Variants in MRPL4 observed in about 807,000 individuals in gnomAD.
MRPL4 encodes large ribosomal subunit protein uL4m.
In MRPL4, 34 loss-of-function variants were observed where a neutral mutation model predicts 34.1. The observed-to-expected ratio is 1.00, with a 90% CI of 0.76 to 1.33. MRPL4 has a LOEUF of 1.33. Among genes scored for constraint, MRPL4 ranks in the 40% most tolerant of loss-of-function variants. The pLI is 0.00. For missense variants in MRPL4, 402 were observed against 434.6 expected, an observed-to-expected ratio of 0.92 and a Z score of 0.67; for synonymous variants, 196 against 188.3, an observed-to-expected ratio of 1.04 and a Z score of -0.33.
rs1353351844 is a variant in MRPL4, at chr19:10,258,450, C to G, written c.590C>G (p.Thr197Ser). The change falls in exon 7 of 9, where the codon ACC becomes AGC. Residue 197 changes from threonine to serine, a missense_variant. Thr to Ser is a moderately conservative substitution (Grantham distance 58). Coordinates refer to ENST00000253099, the MANE Select transcript of MRPL4 (RefSeq NM_015956.3). ...LHIMDSLELP[T>S]GDPQYLTELA... ...ATCATGGACTCCCTAGAGCTGCCCA[C>G]CGGAGACCCACAGTACCTGACAGAG... The G allele has an allele frequency of 1.9e-6, 3 of 1,614,094 alleles. No individual in the cohort carries two copies. The highest frequency in any genetic ancestry group is 1.7e-5 in the Admixed American group (1 of 60,000).
chr19:10,253,965 A>C lies in MRPL4; in HGVS notation c.276-624A>C, dbSNP rs144542187. On this transcript the variant is annotated intron_variant, in intron 3 of 8. Transcript: ENST00000253099. The stretch of plus-strand genomic sequence containing the variant: ...ACCAGTCCCTGAAGAAGGTGGCAAT[A>C]AGTGAAGTGTAATAGCAGGAAAAAA... Among the ~76,000 whole-genome samples, 312 of 152,280 alleles carry C rather than the reference A, an allele frequency of 2.0e-3. 1 individual carries two copies. Among genetic ancestry groups the C allele is most frequent in the African/African-American group, 6.8e-3 (281 of 41,552 alleles).
At chr19:10,258,063 ATGT>A (rs2039868055) in intron 5 of MRPL4, among the ~76,000 whole-genome samples, 156 bp from the exon 6 acceptor site, 1 of 152,010 alleles carries the variant, frequency 6.6e-6, no homozygotes, top group South Asian at 2.1e-4. Flanking sequence ...CACTGGTCCC[ATGT>A]TGTCCCTGAT....
At chr19:10,259,098 CAAAAAA>C (rs35481360) in intron 8 of MRPL4, 426 of 537,710 alleles carry the variant, frequency 7.9e-4, no homozygotes, top group East Asian at 3.3e-3. Flanking sequence ...ACTCTTGTCT[CAAAAAA>C]AAAAAAAAAA....
chr19:10,259,774 C>A lies in MRPL4; in HGVS notation c.897C>A (p.His299Gln). The A allele has an allele frequency of 2.5e-6, 4 of 1,613,840 alleles. No homozygotes were observed. In the South Asian group the frequency reaches 3.3e-5, roughly 13 times the overall value. ...GCGACTTCCCCCGACCCCTACCCCA[C>A]GCTACCCAGGGCCCAGCGGCCACCC... ...PYSDFPRPLP[H>Q]ATQGPAATPY... The change falls in exon 9 of 9, where the codon CAC becomes CAA. Residue 299 changes from histidine to glutamine, a missense_variant. Coordinates refer to ENST00000253099, the MANE Select transcript of MRPL4 (RefSeq NM_015956.3).
intron 8 of MRPL4, 189 bp from the exon 9 acceptor site, chr19:10,259,428 C>A: frequency 1.4e-6 from 2 of 1,420,466 alleles, no homozygotes; most frequent in Non-Finnish European, 1.8e-6. Flanking sequence ...GGGAGCAGCT[C>A]CTTGGCCAGA....
intron 8 of MRPL4, chr19:10,259,089 C>A (rs769937706): frequency 7.6e-4 from 875 of 1,154,606 alleles, no homozygotes; most frequent in Non-Finnish European, 8.0e-4. Flanking sequence ...GAGAGCTAGA[C>A]TCTTGTCTCA....
chr19:10,256,734 C>T lies in MRPL4; in HGVS notation c.354C>T (p.Ala118=), dbSNP rs560148153. 3.7e-6 allele frequency: 6 copies of T among 1,606,928 alleles called. No individual in the cohort carries two copies. The highest frequency in any genetic ancestry group is 5.1e-6 in the Non-Finnish European group (6 of 1,176,734). ...GCTATGCCAAGACCAAGACGAGAGC[C>T]GAGGTGCGGGGCGGTGGCCGGAAGC... The part of the protein sequence containing the change: ...RISYAKTKTR[A]EVRGGGRKPW... Residue 118 remains alanine (A), a synonymous_variant, in exon 5 of 9, where the codon GCC becomes GCT. Coordinates refer to ENST00000253099, the MANE Select transcript of MRPL4 (RefSeq NM_015956.3).
chr19:10,259,318 C>T (rs2039885310), intron 8 of MRPL4: 14 of 1,382,670 alleles, frequency 1.0e-5, no homozygotes, highest in African/African-American at 1.5e-5. Flanking sequence ...CCTCCCTGCC[C>T]TCCCGTCATT....
intron 4 of MRPL4, 146 bp downstream of exon 4, chr19:10,254,786 A>G (rs1212088688): frequency 5.8e-6 from 4 of 693,580 alleles, no homozygotes; most frequent in Admixed American, 3.0e-5. Context: ...CGATGGGTCC[A>G]TTTTTGGTTC....
upstream of MRPL4, chr19:10,252,110 C>T (rs559555218): frequency 1.0e-5 from 10 of 995,686 alleles, no homozygotes; most frequent in East Asian, 2.2e-4. Context: ...GGGTCGGACC[C>T]CCTCCATCTT....
At chr19:10,251,994 G>T, upstream of MRPL4, 1 of 527,184 alleles carries the variant, frequency 1.9e-6, no homozygotes, top group Non-Finnish European at 3.3e-6. Context: ...CGGAAGCTGG[G>T]TCTTCTTGCT....
chr19:10,258,099 C>G, intron 5 of MRPL4, 123 bp from the exon 6 acceptor site: 1 of 666,304 alleles, frequency 1.5e-6, no homozygotes, highest in Non-Finnish European at 2.6e-6. Context: ...GAGGCCCCAC[C>G]CTCTCTGCCT....
Position 10,252,384 on chromosome 19 carries a change from C to T in MRPL4, c.58-13C>T, listed in dbSNP as rs1465409368. 6.2e-7 allele frequency: 1 copy of T among 1,613,962 alleles called. No individual in the cohort carries two copies. Among genetic ancestry groups the T allele is most frequent in the African/African-American group, 1.3e-5 (1 of 74,908 alleles). ...TCCAGGGGTCGTCTCTCACTTTCGC[C>T]CAACCCTTGCAGGGCCTGAGTTCCC... On this transcript the variant is annotated splice_polypyrimidine_tract_variant and intron_variant, in intron 1 of 8. Coordinates refer to ENST00000253099, the MANE Select transcript of MRPL4 (RefSeq NM_015956.3).
chr19:10,252,633 G>C lies in MRPL4; in HGVS notation c.207G>C (p.Leu69Phe). 6.2e-7 allele frequency: 1 copy of C among 1,611,002 alleles called. No homozygotes were observed. Among genetic ancestry groups the C allele is most frequent in the Non-Finnish European group, 8.5e-7 (1 of 1,179,906 alleles). The change falls in exon 3 of 9, where the codon TTG becomes TTC. Residue 69 changes from leucine (L) to phenylalanine (F), a missense_variant. By Grantham distance (22) the Leu-to-Phe change is conservative. Coordinates refer to ENST00000253099, the MANE Select transcript of MRPL4 (RefSeq NM_015956.3). Reference protein sequence around the residue: ...RRPVQAWVESLRGFEQERVGL... With the variant: ...RRPVQAWVESFRGFEQERVGL... Reference sequence around the variant, plus strand: ...CAGTGCAGGCCTGGGTCGAGTCCTTGCGGGGCTTCGAGCAGGAGCGCGTGG... The same window carrying C: ...CAGTGCAGGCCTGGGTCGAGTCCTTCCGGGGCTTCGAGCAGGAGCGCGTGG...
In MRPL4 at chr19:10,260,020, T is replaced by C; in HGVS notation, c.*207T>C. The stretch of plus-strand genomic sequence containing the variant: ...TGCATCCATTCCCTCTTTTTGTTTT[T>C]AAAATAAATTGTATTTTTGAATCAA... On this transcript the variant is annotated 3_prime_UTR_variant, in exon 9 of 9. Coordinates refer to ENST00000253099, the MANE Select transcript of MRPL4 (RefSeq NM_015956.3). 1 of 467,126 alleles carries C rather than the reference T, an allele frequency of 2.1e-6. No homozygotes were observed. The highest frequency in any genetic ancestry group is 3.7e-6 in the Non-Finnish European group (1 of 267,834). The allele number at this position is 467,126 out of a possible 1,614,324, so 28.9% of individuals were successfully genotyped here. A position where few individuals can be genotyped will look rare whatever the true frequency, so the allele number is the denominator to read the frequency against.
chr19:10,252,638 G>T lies in MRPL4; in HGVS notation c.212G>T (p.Gly71Val). The change falls in exon 3 of 9, where the codon GGC (glycine) becomes GTC (valine). Residue 71 changes from glycine to valine, a missense_variant. Coordinates refer to ENST00000253099, the MANE Select transcript of MRPL4 (RefSeq NM_015956.3). ...PVQAWVESLR[G>V]FEQERVGLAD... ...CAGGCCTGGGTCGAGTCCTTGCGGG[G>T]CTTCGAGCAGGAGCGCGTGGGCCTG... 1.2e-6 allele frequency: 2 copies of T among 1,610,378 alleles called. 1 individual carries two copies. Among genetic ancestry groups the T allele is most frequent in the East Asian group, 4.5e-5 (2 of 44,880 alleles).
At chr19:10,252,029 C>T (rs1012937891), upstream of MRPL4, 3 of 557,334 alleles carry the variant, frequency 5.4e-6, no homozygotes, top group Admixed American at 7.3e-5. Context: ...CCCAGTGTTA[C>T]GGAGGGTCCT....
In MRPL4 at chr19:10,259,975, G is replaced by A. The variant is rs1042111947; in HGVS notation, c.*162G>A. The stretch of plus-strand genomic sequence containing the variant: ...CGCCATTGGGAAGGGGCGACTCCAC[G>A]GAAAGCCCAGACGGGCTTCTGCATC... On this transcript the variant is annotated 3_prime_UTR_variant, in exon 9 of 9. Coordinates refer to ENST00000253099, the MANE Select transcript of MRPL4 (RefSeq NM_015956.3). 2.7e-5 allele frequency: 15 copies of A among 561,272 alleles called. No homozygotes were observed. The highest frequency in any genetic ancestry group is 3.8e-5 in the Admixed American group (1 of 26,208). 34.8% of individuals were successfully genotyped at this position (561,272 alleles called of 1,614,324 possible).
At chr19:10,256,895 A>G (rs1599253028) in intron 5 of MRPL4, 70 bp downstream of exon 5, 4 of 1,194,284 alleles carry the variant, frequency 3.3e-6, no homozygotes, top group Admixed American at 6.0e-5. Context: ...GTTTACTCAC[A>G]CACAGCTGCG....
Sources: allele counts gnomAD v4.1 joint callset (sites outside exome capture counted in the v4.1 genomes callset), GRCh38; gene constraint gnomAD v4.1.1; transcripts MANE v1.5; gene names NCBI Gene and HGNC (gene_info 2026-07-23, HGNC 2026-07-21).